PLCXD3: variants seen among roughly 807,000 people sequenced by gnomAD.
The protein encoded by PLCXD3 is phosphatidylinositol specific phospholipase C X domain containing 3, also known as PI-PLC X domain-containing protein 3.
PLCXD3 carries 19 observed loss-of-function variants against 25.5 expected under a neutral mutation model. That is an observed-to-expected ratio of 0.75 (90% CI 0.52 to 1.09). The LOEUF (loss-of-function observed/expected upper bound fraction) is 1.09. Ranked by LOEUF, PLCXD3 falls within the 50% of genes least tolerant of loss-of-function variation. PLCXD3 has a pLI of 0.00. For missense variants in PLCXD3, 411 were observed against 388.1 expected, an observed-to-expected ratio of 1.06 and a Z score of -0.50; for synonymous variants, 174 against 137.6, an observed-to-expected ratio of 1.26 and a Z score of -1.85.
chr5:41,454,958 C>T (rs1310294111), intron 1 of PLCXD3, among the ~76,000 whole-genome samples: 1 of 151,888 alleles, frequency 6.6e-6, no homozygotes, highest in Non-Finnish European at 1.5e-5. Flanking sequence ...AAGGCACCTT[C>T]TTCACAAGGC....
At chr5:41,390,571 T>A (rs1459719895) in intron 1 of PLCXD3, among the ~76,000 whole-genome samples, 1 of 152,190 alleles carries the variant, frequency 6.6e-6, no homozygotes, top group Non-Finnish European at 1.5e-5. Context: ...TGGTATCTCA[T>A]AGTGGTTTTA....
chr5:41,395,982 C>G (rs1745990796), intron 1 of PLCXD3, among the ~76,000 whole-genome samples: 1 of 146,338 alleles, frequency 6.8e-6, no homozygotes, highest in African/African-American at 2.6e-5. Flanking sequence ...ATACTAAAAT[C>G]AGACAAAGGC....
At chr5:41,335,489 T>C (rs1743952392) in intron 2 of PLCXD3, among the ~76,000 whole-genome samples, 1 of 152,172 alleles carries the variant, frequency 6.6e-6, no homozygotes, top group Admixed American at 6.6e-5. Flanking sequence ...CCAGGTTTAG[T>C]ATTGACTACC....
At chr5:41,373,740 G>A (rs1456522437) in intron 2 of PLCXD3, among the ~76,000 whole-genome samples, 2 of 152,082 alleles carry the variant, frequency 1.3e-5, no homozygotes, top group African/African-American at 4.8e-5. Context: ...TGGGGAGGAA[G>A]TTGGGATGCA....
At chr5:41,363,129 C>A (rs745875249) in intron 2 of PLCXD3, among the ~76,000 whole-genome samples, 4 of 152,144 alleles carry the variant, frequency 2.6e-5, no homozygotes, top group Non-Finnish European at 5.9e-5. Context: ...TCCTGGCTTA[C>A]AGAGTTAGTC....
chr5:41,452,781 A>G (rs1044793211), intron 1 of PLCXD3, among the ~76,000 whole-genome samples: 2 of 152,146 alleles, frequency 1.3e-5, no homozygotes, highest in African/African-American at 2.4e-5. Flanking sequence ...AAGCATTTCC[A>G]TTTAAAAGAA....
chr5:41,475,633 ATGTCCCTGTT>A (rs776068832), intron 1 of PLCXD3: 2 of 534,496 alleles, frequency 3.7e-6, no homozygotes, highest in Non-Finnish European at 7.7e-6. Flanking sequence ...TTTGTCCCTG[ATGTCCCTGTT>A]TGTCCCTGTT....
chr5:41,452,298 A>G (rs1183710172), intron 1 of PLCXD3, among the ~76,000 whole-genome samples: 1 of 152,106 alleles, frequency 6.6e-6, no homozygotes, highest in Non-Finnish European at 1.5e-5. Flanking sequence ...GCAAAGGGGA[A>G]CTGATTCAAG....
At chr5:41,331,642 C>T (rs887377302) in intron 2 of PLCXD3, among the ~76,000 whole-genome samples, 1 of 152,122 alleles carries the variant, frequency 6.6e-6, no homozygotes, top group African/African-American at 2.4e-5. Context: ...CAAGTCAATC[C>T]TAAGCCAAAA....
intron 1 of PLCXD3, among the ~76,000 whole-genome samples, chr5:41,441,112 C>T (rs1353901532): frequency 6.6e-6 from 1 of 152,176 alleles, no homozygotes; most frequent in Non-Finnish European, 1.5e-5. Context: ...TTCATTCATT[C>T]ATTTCATTTT....
intron 1 of PLCXD3, among the ~76,000 whole-genome samples, chr5:41,411,300 A>G (rs1408929390): frequency 6.6e-6 from 1 of 152,244 alleles, no homozygotes; most frequent in African/African-American, 2.4e-5. Flanking sequence ...TTTGTGCTAC[A>G]GAAATAACAT....
intron 1 of PLCXD3, among the ~76,000 whole-genome samples, chr5:41,490,588 A>T (rs1271267922): frequency 1.3e-5 from 2 of 152,170 alleles, no homozygotes; most frequent in Admixed American, 1.3e-4. Context: ...TTGGTAAGCT[A>T]TTGATTATTG....
chr5:41,405,660 A>G (rs1746328183), intron 1 of PLCXD3, among the ~76,000 whole-genome samples: 1 of 152,148 alleles, frequency 6.6e-6, no homozygotes, highest in African/African-American at 2.4e-5. Context: ...TATTTGATTC[A>G]AGTCAATGGG....
In PLCXD3 at chr5:41,372,347, C is replaced by CACACATAT. The variant is rs71608606; in HGVS notation, c.812+9478_812+9479insATATGTGT. ...ACACACACACACACACACACACACACACCAGGCACTGAATAGATATCTGAC... is the reference window on the plus strand; with the variant it reads ...ACACACACACACACACACACACACACACACATATACCAGGCACTGAATAGATATCTGAC... On this transcript the variant is annotated intron_variant, in intron 2 of 2. Transcript: ENST00000377801. 7.5e-5 allele frequency among the ~76,000 whole-genome samples: 10 copies of CACACATAT among 132,480 alleles called. No homozygotes were observed. The South Asian group carries it at 1.2e-3, about 16-fold the overall frequency. 86.9% of individuals were successfully genotyped at this position (132,480 alleles called of 152,430 possible).
intron 1 of PLCXD3, among the ~76,000 whole-genome samples, chr5:41,428,858 AAT>A (rs1393417319): frequency 6.6e-6 from 1 of 152,182 alleles, no homozygotes; most frequent in East Asian, 1.9e-4. Context: ...GGTTTAACAA[AAT>A]AGTTTCACAG....
intron 1 of PLCXD3, among the ~76,000 whole-genome samples, chr5:41,446,200 A>AAAAAAAAAAAC (rs1747498278): frequency 6.7e-6 from 1 of 148,174 alleles, no homozygotes; most frequent in Non-Finnish European, 1.5e-5. Context: ...AAAAAAAAAA[A>AAAAAAAAAAAC]AGAACAACGA....
chr5:41,312,442 G>T lies in PLCXD3; in HGVS notation c.*1175C>A, dbSNP rs1370175900. The stretch of plus-strand genomic sequence containing the variant: ...TTTCTTTCCTTCAAGTCAAAAACTT[G>T]CAGTTTCTTGAAAAATCTTCCTTAA... On this transcript the variant is annotated 3_prime_UTR_variant, in exon 3 of 3. Transcript: ENST00000377801. 6.6e-6 allele frequency: 1 copy of T among 152,056 alleles called. No homozygotes were observed. Among genetic ancestry groups the T allele is most frequent in the Non-Finnish European group, 1.5e-5 (1 of 68,018 alleles). The allele number at this position is 152,056 out of a possible 1,614,324, so 9.4% of individuals were successfully genotyped here. A position where few individuals can be genotyped will look rare whatever the true frequency, so the allele number is the denominator to read the frequency against.
intron 2 of PLCXD3, among the ~76,000 whole-genome samples, chr5:41,353,156 G>A (rs912308170): frequency 1.1e-4 from 17 of 149,880 alleles, no homozygotes; most frequent in East Asian, 4.0e-4. Context: ...GCAGTGGCGC[G>A]ATCTCCGCTC....
intron 1 of PLCXD3, among the ~76,000 whole-genome samples, chr5:41,482,392 G>T (rs1345273049): frequency 6.6e-6 from 1 of 152,156 alleles, no homozygotes; most frequent in Non-Finnish European, 1.5e-5. Context: ...CACGTGACTC[G>T]TAACGTACTT....
Sources: gnomAD v4.1 joint callset for allele counts (sites outside exome capture counted in the v4.1 genomes callset) on GRCh38, gnomAD v4.1.1 for gene constraint, MANE v1.5 for transcripts, NCBI Gene and HGNC (gene_info 2026-07-23, HGNC 2026-07-21) for gene names.